Variants in DDX10 observed in about 807,000 individuals in gnomAD.
DDX10 encodes the protein DEAD-box helicase 10.
DDX10 carries 74 observed loss-of-function variants against 104.3 expected under a neutral mutation model. The observed-to-expected ratio is 0.71, with a 90% CI of 0.59 to 0.86. The LOEUF is 0.86. Ranked by LOEUF, DDX10 falls within the 40% of genes least tolerant of loss-of-function variation. The pLI, the probability that DDX10 is intolerant of heterozygous loss-of-function variation, is 0.00. For synonymous variants in DDX10, 351 were observed against 353.4 expected (o/e 0.99, Z 0.08); for missense variants, 952 against 1,040.0 (o/e 0.92, Z 1.16).
intron 15 of DDX10, among the ~76,000 whole-genome samples, chr11:108,848,538 G>A (rs1255554537): frequency 6.6e-6 from 1 of 152,132 alleles, no homozygotes; most frequent in East Asian, 1.9e-4. Context: ...AAGCCAACCT[G>A]TTGCTATAGA....
chr11:108,881,938 T>C (rs1445510711), intron 16 of DDX10, among the ~76,000 whole-genome samples: 1 of 152,220 alleles, frequency 6.6e-6, no homozygotes, highest in East Asian at 1.9e-4. Context: ...TATATGGTGC[T>C]GACCAATGTT....
chr11:108,686,796 T>A (rs2094244800), intron 6 of DDX10, among the ~76,000 whole-genome samples: 1 of 152,126 alleles, frequency 6.6e-6, no homozygotes, highest in East Asian at 1.9e-4. Flanking sequence ...TAAAAGTATG[T>A]TTTTTTGAGA....
chr11:108,781,232 A>G (rs1039470411), intron 13 of DDX10, among the ~76,000 whole-genome samples: 2 of 152,196 alleles, frequency 1.3e-5, no homozygotes, highest in Non-Finnish European at 2.9e-5. Flanking sequence ...TGTAAAGGAC[A>G]TGATTTCACT....
chr11:108,674,064 C>T (rs1157763500), intron 2 of DDX10, among the ~76,000 whole-genome samples: 1 of 152,142 alleles, frequency 6.6e-6, no homozygotes, highest in Non-Finnish European at 1.5e-5. Flanking sequence ...TGGCTCATGC[C>T]TGTAATCCCA....
At chr11:108,887,606 A>T (rs1021682140) in intron 16 of DDX10, among the ~76,000 whole-genome samples, 1 of 151,870 alleles carries the variant, frequency 6.6e-6, no homozygotes, top group East Asian at 1.9e-4. Flanking sequence ...CAAACCAGAA[A>T]CACCACTGGT....
intron 13 of DDX10, among the ~76,000 whole-genome samples, chr11:108,750,694 G>A (rs1018344712): frequency 1.1e-4 from 16 of 151,446 alleles, no homozygotes; most frequent in African/African-American, 3.9e-4. Flanking sequence ...GGTACGAATT[G>A]AATTAGATAG....
intron 15 of DDX10, among the ~76,000 whole-genome samples, chr11:108,848,599 C>T (rs1473554727): frequency 2.6e-5 from 4 of 152,230 alleles, no homozygotes; most frequent in Middle Eastern, 6.8e-3. Flanking sequence ...TCTGTTCTTA[C>T]TCTCATGAGC....
intron 13 of DDX10, among the ~76,000 whole-genome samples, chr11:108,817,003 T>G (rs1862264984): frequency 6.6e-6 from 1 of 152,236 alleles, no homozygotes; most frequent in African/African-American, 2.4e-5. Flanking sequence ...CTTAACATCA[T>G]AAATGGATTA....
At chr11:108,746,067 A>G (rs903702346) in intron 13 of DDX10, among the ~76,000 whole-genome samples, 1 of 152,188 alleles carries the variant, frequency 6.6e-6, no homozygotes, top group African/African-American at 2.4e-5. Context: ...CTATTACCTC[A>G]TAATCCTCTA....
In DDX10 at chr11:108,727,115, G is replaced by T. The variant is rs544946938; in HGVS notation, c.1965+3653G>T. Among the ~76,000 whole-genome samples, 5 of 151,982 alleles carry T rather than the reference G, an allele frequency of 3.3e-5. No homozygotes were observed. In the South Asian group the frequency reaches 1.0e-3, roughly 32 times the overall value. On this transcript the variant is annotated intron_variant, in intron 13 of 17. Transcript: ENST00000322536. Reference sequence around the variant, plus strand: ...TTAAGGATCTTTCTGTTGTTGTGAGGGATATTGGTTTGCAGTTTTCTTTTT... The same window carrying T: ...TTAAGGATCTTTCTGTTGTTGTGAGTGATATTGGTTTGCAGTTTTCTTTTT...
chr11:108,779,306 A>C (rs532665172), intron 13 of DDX10, among the ~76,000 whole-genome samples: 1 of 152,304 alleles, frequency 6.6e-6, no homozygotes, highest in South Asian at 2.1e-4. Context: ...ATCAATGATA[A>C]ACTGGATTAA....
rs776624147 is a variant in DDX10 at position 108,935,606 on chromosome 11, G to A, written c.2451-4640G>A. On this transcript the variant is annotated intron_variant, in intron 17 of 17. Transcript: ENST00000322536. The stretch of plus-strand genomic sequence containing the variant: ...CTTAATTTTTTTTTATTTGAGGGGA[G>A]GTGGGCATGGAAACCATTATTGAAT... 2.3e-4 allele frequency among the ~76,000 whole-genome samples: 35 copies of A among 152,102 alleles called. No homozygotes were observed. In the Middle Eastern group the frequency reaches 0.014, roughly 59 times the overall value.
intron 16 of DDX10, among the ~76,000 whole-genome samples, chr11:108,905,572 C>G (rs1055605826): frequency 1.3e-5 from 2 of 152,100 alleles, no homozygotes; most frequent in African/African-American, 4.8e-5. Flanking sequence ...TTCATCACCT[C>G]AAAAATGCCC....
intron 7 of DDX10, 33 bp from the exon 8 acceptor site, chr11:108,691,843 A>T (rs375597924): frequency 1.3e-6 from 2 of 1,597,780 alleles, no homozygotes; most frequent in East Asian, 2.3e-5. Context: ...GCCATCTGCC[A>T]TAAGCAAACT....
chr11:108,887,460 T>G (rs1374967671), intron 16 of DDX10, among the ~76,000 whole-genome samples: 4 of 151,844 alleles, frequency 2.6e-5, no homozygotes, highest in Non-Finnish European at 1.5e-5. Flanking sequence ...CTGTCATTTT[T>G]TTTTCTTAAA....
At chr11:108,688,895 A>G (rs759145134) in intron 6 of DDX10, 41 bp from the exon 7 acceptor site, 5 of 1,587,628 alleles carry the variant, frequency 3.1e-6, no homozygotes, top group Non-Finnish European at 4.3e-6. Context: ...AGTTACTTAC[A>G]TGACATATTC....
chr11:108,810,368 T>C (rs1331781672), intron 13 of DDX10, among the ~76,000 whole-genome samples: 1 of 152,020 alleles, frequency 6.6e-6, no homozygotes, highest in Non-Finnish European at 1.5e-5. Flanking sequence ...TAATTAGGTG[T>C]TATTTGATCT....
intron 6 of DDX10, among the ~76,000 whole-genome samples, chr11:108,680,953 T>C (rs567534079): frequency 2.2e-4 from 33 of 152,348 alleles, no homozygotes; most frequent in Admixed American, 5.2e-4. Context: ...ATAGTTTTTT[T>C]CCCTTGGCTT....
chr11:108,669,493 A>G (rs1305677413), intron 1 of DDX10, among the ~76,000 whole-genome samples: 6 of 152,146 alleles, frequency 3.9e-5, no homozygotes, highest in African/African-American at 1.4e-4. Flanking sequence ...GTGAAAATGC[A>G]TGGCATTCTT....
Sources: allele counts gnomAD v4.1 joint callset (sites outside exome capture counted in the v4.1 genomes callset), GRCh38; gene constraint gnomAD v4.1.1; transcripts MANE v1.5; gene names NCBI Gene and HGNC (gene_info 2026-07-23, HGNC 2026-07-21).